NECTIN4: variants seen among roughly 807,000 people sequenced by gnomAD.
The protein encoded by NECTIN4 is nectin-4.
NECTIN4 carries 19 observed loss-of-function variants against 51.7 expected under a neutral mutation model. The observed-to-expected ratio is 0.37, with a 90% CI of 0.26 to 0.54. The LOEUF (loss-of-function observed/expected upper bound fraction) is 0.54, where lower values mean the gene tolerates loss of function less well. Ranked by LOEUF, NECTIN4 falls within the 20% of genes least tolerant of loss-of-function variation. The pLI, the probability that NECTIN4 is intolerant of heterozygous loss-of-function variation, is 0.86. For missense variants in NECTIN4, 619 were observed against 662.4 expected, an observed-to-expected ratio of 0.93 and a Z score of 0.72; for synonymous variants, 283 against 286.9, an observed-to-expected ratio of 0.99 and a Z score of 0.14.
At chr1:161,073,143 G>A (rs954264120) in intron 8 of NECTIN4, 82 bp downstream of exon 8, 1 of 1,236,160 alleles carries the variant, frequency 8.1e-7, no homozygotes, top group Non-Finnish European at 1.2e-6. Context: ...ACTGGTAAGG[G>A]GGCTGCTGAC....
At position 161,085,697 on chromosome 1, in the gene NECTIN4, CTTTTTTTT is replaced by C. The variant is rs397798727; in HGVS notation, c.79+3513_79+3520del. ...TCCCCAGTTCTGAACTTCGCCTCCT[CTTTTTTTT>C]TTTTTTTTTTTGACACAGAGTCTCA... On this transcript the variant is annotated intron_variant, in intron 1 of 8. Transcript: ENST00000368012. 3.0e-5 allele frequency among the ~76,000 whole-genome samples: 4 copies of C among 133,896 alleles called. No individual in the cohort carries two copies. The South Asian group carries it at 9.4e-4, about 32-fold the overall frequency. The allele number at this position is 133,896 out of a possible 152,430, so 87.8% of individuals were successfully genotyped here.
chr1:161,079,744 C>T lies in NECTIN4; in HGVS notation c.285G>A (p.Glu95=), dbSNP rs1053847111. 3.7e-6 allele frequency: 6 copies of T among 1,610,836 alleles called. No homozygotes were observed. The African/African-American group carries it at 5.3e-5, about 14-fold the overall frequency. Residue 95 remains glutamate, a synonymous_variant, in exon 2 of 9, where the codon GAG becomes GAA. Coordinates refer to ENST00000368012, the MANE Select transcript of NECTIN4 (RefSeq NM_030916.3). ...KYGLHVSPAY[E]GRVEQPPPPR... is the part of the protein sequence containing the mutation. ...GGGGCGGCGGCTGCTCCACGCGGCC[C>T]TCGTAAGCCGGGCTCACATGAAGCC...
chr1:161,088,181 C>A (rs1654033774), intron 1 of NECTIN4, among the ~76,000 whole-genome samples: 1 of 152,248 alleles, frequency 6.6e-6, no homozygotes, highest in South Asian at 2.1e-4. Flanking sequence ...TATTTCCCTC[C>A]TCAAAGCTTT....
At position 161,088,388 on chromosome 1, in the gene NECTIN4, C is replaced by T. The variant is rs543978051; in HGVS notation, c.79+830G>A. Among the ~76,000 whole-genome samples the T allele has an allele frequency of 2.7e-4, 41 of 152,246 alleles. No individual in the cohort carries two copies. The South Asian group carries it at 7.1e-3, about 26-fold the overall frequency. ...ACTGAGGTCTCACTGTGCACACACA[C>T]GCACACACACTCTCCTCTACTCTGA... is the stretch of plus-strand genomic sequence containing the variant. On this transcript the variant is annotated intron_variant, in intron 1 of 8. Transcript: ENST00000368012.
intron 2 of NECTIN4, among the ~76,000 whole-genome samples, chr1:161,078,961 G>A (rs1418570987): frequency 6.6e-6 from 1 of 152,118 alleles, no homozygotes; most frequent in Admixed American, 6.5e-5. Context: ...GCAGTGAGCC[G>A]AGATCGCGCC....
intron 8 of NECTIN4, 118 bp downstream of exon 8, chr1:161,073,107 C>A: frequency 3.1e-6 from 3 of 961,974 alleles, no homozygotes; most frequent in Non-Finnish European, 5.0e-6. Context: ...TGCTGGGCTG[C>A]ATGAGCCAGG....
intron 4 of NECTIN4, among the ~76,000 whole-genome samples, chr1:161,076,073 T>G (rs1207596886): frequency 1.3e-5 from 2 of 152,178 alleles, no homozygotes; most frequent in Admixed American, 1.3e-4. Context: ...AGACTCCGTC[T>G]CAAAACTAAA....
chr1:161,088,839 G>C (rs1440871650), intron 1 of NECTIN4, among the ~76,000 whole-genome samples: 1 of 152,080 alleles, frequency 6.6e-6, no homozygotes, highest in Non-Finnish European at 1.5e-5. Flanking sequence ...GAGCCCAGGG[G>C]GTAGGCCAAG....
chr1:161,073,168 A>G, intron 8 of NECTIN4, 57 bp downstream of exon 8: 1 of 1,490,050 alleles, frequency 6.7e-7, no homozygotes, highest in Non-Finnish European at 9.4e-7. Context: ...CATATCTGGG[A>G]CCAGGACAGG....
intron 3 of NECTIN4, 125 bp downstream of exon 3, chr1:161,077,328 T>G: frequency 2.2e-6 from 2 of 923,984 alleles, no homozygotes; most frequent in Non-Finnish European, 3.3e-6. Context: ...TAGTGCTCTG[T>G]CACATACTAT....
At chr1:161,077,415 C>T in intron 3 of NECTIN4, 38 bp downstream of exon 3, 1 of 1,611,612 alleles carries the variant, frequency 6.2e-7, no homozygotes, top group Non-Finnish European at 8.5e-7. Flanking sequence ...CTGCTGAGAA[C>T]CCCTTGGGCC....
chr1:161,085,762 G>C (rs1016108283), intron 1 of NECTIN4, among the ~76,000 whole-genome samples: 1 of 149,202 alleles, frequency 6.7e-6, no homozygotes, highest in Non-Finnish European at 1.5e-5. Flanking sequence ...GTAGTGGCGC[G>C]ATCATGGCTC....
In NECTIN4 at chr1:161,089,473, C is replaced by T. The variant is rs1349864554; in HGVS notation, c.-177G>A. 2 of 641,856 alleles carry T rather than the reference C, an allele frequency of 3.1e-6. No individual in the cohort carries two copies. The highest frequency in any genetic ancestry group is 1.8e-5 in the African/African-American group (1 of 55,360). 39.8% of individuals were successfully genotyped at this position (641,856 alleles called of 1,614,324 possible). On this transcript the variant is annotated 5_prime_UTR_variant, in exon 1 of 9. Coordinates refer to ENST00000368012, the MANE Select transcript of NECTIN4 (RefSeq NM_030916.3). The surrounding 1 kb of genome is among the most constrained non-coding windows in gnomAD (Gnocchi z 4.1). ...CAGCCCCGGCCCCGTTCTACACACC[C>T]AGCCGTAGCTACCCCCAAGAAGCCG...
At chr1:161,075,431 A>G (rs1236760903) in intron 4 of NECTIN4, among the ~76,000 whole-genome samples, 1 of 152,282 alleles carries the variant, frequency 6.6e-6, no homozygotes, top group Non-Finnish European at 1.5e-5. Flanking sequence ...TCACATAAAT[A>G]TATAAAATAT....
intron 3 of NECTIN4, among the ~76,000 whole-genome samples, chr1:161,076,924 A>T (rs1483469797): frequency 6.6e-6 from 1 of 152,232 alleles, no homozygotes; most frequent in Non-Finnish European, 1.5e-5. Flanking sequence ...CAGAGGCTTG[A>T]AATCTAGCAC....
chr1:161,079,727 G>C lies in NECTIN4; in HGVS notation c.302C>G (p.Pro101Arg). The C allele has an allele frequency of 6.2e-7, 1 of 1,609,618 alleles. No homozygotes were observed. Among genetic ancestry groups the C allele is most frequent in the East Asian group, 2.2e-5 (1 of 44,876 alleles). Residue 101 changes from proline to arginine, a missense_variant, in exon 2 of 9, where the codon CCG becomes CGG. By Grantham distance (103) the Pro-to-Arg change is moderately radical. Transcript: ENST00000368012. ...SPAYEGRVEQ[P>R]PPPRNPLDGS... ...GTCCAGGGGGTTGCGTGGGGGCGGC[G>C]GCTGCTCCACGCGGCCCTCGTAAGC...
At position 161,079,903 on chromosome 1, in the gene NECTIN4, C is replaced by T. The variant is rs776408962; in HGVS notation, c.126G>A (p.Val42=). The T allele has an allele frequency of 1.2e-6, 2 of 1,612,930 alleles. No individual in the cohort carries two copies. Among genetic ancestry groups the T allele is most frequent in the South Asian group, 2.2e-5 (2 of 91,046 alleles). Residue 42 remains valine (V), a synonymous_variant, in exon 2 of 9, where the codon GTG becomes GTA. Coordinates refer to ENST00000368012, the MANE Select transcript of NECTIN4 (RefSeq NM_030916.3). ...GELETSDVVT[V]VLGQDAKLPC... is the part of the protein sequence containing the mutation. ...GCAGTTTTGCGTCCTGGCCCAGCACCACAGTTACCACGTCTGAGGTCTCCA... is the reference window on the plus strand; with the variant it reads ...GCAGTTTTGCGTCCTGGCCCAGCACTACAGTTACCACGTCTGAGGTCTCCA...
chr1:161,075,851 G>A (rs1292973621), intron 4 of NECTIN4, among the ~76,000 whole-genome samples: 3 of 152,172 alleles, frequency 2.0e-5, no homozygotes, highest in Admixed American at 2.0e-4. Flanking sequence ...GCCAACGTGG[G>A]CAGATCACAA....
At chr1:161,075,152 AT>A (rs1571145929) in intron 4 of NECTIN4, among the ~76,000 whole-genome samples, 1 of 152,226 alleles carries the variant, frequency 6.6e-6, no homozygotes, top group East Asian at 1.9e-4. Context: ...GCATGGCAGG[AT>A]ACACAAACAT....
Sources: allele counts gnomAD v4.1 joint callset (sites outside exome capture counted in the v4.1 genomes callset), GRCh38; gene constraint gnomAD v4.1.1; non-coding constraint Gnocchi (gnomAD v3.1); transcripts MANE v1.5; gene names NCBI Gene and HGNC (gene_info 2026-07-23, HGNC 2026-07-21).